Variants in PHACTR2 observed in about 807,000 individuals in gnomAD.
PHACTR2 encodes the protein phosphatase and actin regulator 2, also known as chromosome 6 open reading frame 56.
PHACTR2 carries 30 observed loss-of-function variants against 76.0 expected under a neutral mutation model. The observed-to-expected ratio is 0.39, with a 90% CI of 0.30 to 0.54. PHACTR2 has a LOEUF of 0.54. PHACTR2 is among the 20% of genes least tolerant of loss of function. The pLI, the probability that PHACTR2 is intolerant of heterozygous loss-of-function variation, is 0.61. For missense variants in PHACTR2, 696 were observed against 781.1 expected (o/e 0.89, Z 1.30); for synonymous variants, 292 against 292.5 (o/e 1.00, Z 0.02).
chr6:143,699,997 C>T (rs557812599), intron 1 of PHACTR2, among the ~76,000 whole-genome samples: 21 of 152,046 alleles, frequency 1.4e-4, no homozygotes, highest in Non-Finnish European at 2.2e-4. Context: ...GGAGATTGTC[C>T]GGGATACTAC....
At position 143,610,799 on chromosome 6, in the gene PHACTR2, T is replaced by G. The variant is rs2128437612; in HGVS notation, c.13+2477T>G. Among the ~76,000 whole-genome samples, 1 of 152,354 alleles carries G rather than the reference T, an allele frequency of 6.6e-6. No individual in the cohort carries two copies. The highest frequency in any genetic ancestry group is 1.9e-4 in the East Asian group (1 of 5,190). On this transcript the variant is annotated intron_variant, in intron 1 of 11. Transcript: ENST00000305766. The surrounding 1 kb of genome is among the most constrained non-coding windows in gnomAD (Gnocchi z 4.9). ...TCCCTTCCCCATAATTGCTGGCTTC[T>G]GTATTCCTTTAAAAGCTTTTCCTGG...
intron 1 of PHACTR2, among the ~76,000 whole-genome samples, chr6:143,563,399 C>A (rs1484751694): frequency 6.6e-6 from 1 of 151,454 alleles, no homozygotes; most frequent in African/African-American, 2.4e-5. Flanking sequence ...CGCATCTCTA[C>A]GAAAAATTAA....
At chr6:143,615,571 A>G (rs1387115523) in intron 1 of PHACTR2, among the ~76,000 whole-genome samples, 6 of 152,190 alleles carry the variant, frequency 3.9e-5, no homozygotes, top group Non-Finnish European at 7.3e-5. Context: ...GACAATTTAT[A>G]AAATAGAATG....
chr6:143,608,422 A>G lies in PHACTR2; in HGVS notation c.13+100A>G. On this transcript the variant is annotated intron_variant, in intron 1 of 11. Coordinates refer to the PHACTR2 transcript ENST00000305766. This position sits in a 1 kb window ranked among gnomAD's most constrained non-coding sequence, Gnocchi z 4.6. ...TGCCTATTTGTTGCTCTCGTTTTGC[A>G]CTTAAATGTTCAAGACTGAGACGCG... 8.1e-7 allele frequency: 1 copy of G among 1,227,716 alleles called. No individual in the cohort carries two copies. The highest frequency in any genetic ancestry group is 1.2e-6 in the Non-Finnish European group (1 of 837,030). The allele number at this position is 1,227,716 out of a possible 1,614,324, so 76.1% of individuals were successfully genotyped here.
At chr6:143,628,287 A>G (rs1431285991) in intron 1 of PHACTR2, among the ~76,000 whole-genome samples, 1 of 152,184 alleles carries the variant, frequency 6.6e-6, no homozygotes, top group Non-Finnish European at 1.5e-5. Flanking sequence ...TTAGTTTCCT[A>G]TTGTTGCTGT....
chr6:143,642,486 G>T (rs1776583857), intron 1 of PHACTR2, among the ~76,000 whole-genome samples: 1 of 152,206 alleles, frequency 6.6e-6, no homozygotes. Flanking sequence ...GTTTGGGCAT[G>T]GCTTGTTTGA....
intron 1 of PHACTR2, among the ~76,000 whole-genome samples, chr6:143,576,648 G>T (rs1225067681): frequency 6.6e-6 from 1 of 152,122 alleles, no homozygotes; most frequent in African/African-American, 2.4e-5. Flanking sequence ...AGGCAGAGGT[G>T]GGTGGATCAC....
chr6:143,790,801 G>A (rs932204651), intron 11 of PHACTR2, among the ~76,000 whole-genome samples: 3 of 151,770 alleles, frequency 2.0e-5, no homozygotes, highest in Non-Finnish European at 4.4e-5. Context: ...AGCCTCCCGA[G>A]TGGCTGGGAC....
chr6:143,573,845 C>T (rs1282340690), intron 1 of PHACTR2, among the ~76,000 whole-genome samples: 1 of 152,168 alleles, frequency 6.6e-6, no homozygotes, highest in African/African-American at 2.4e-5. Context: ...CCACTAGGCC[C>T]AGAACTGGGT....
chr6:143,628,948 T>G (rs796774617), intron 1 of PHACTR2, among the ~76,000 whole-genome samples: 4 of 50,628 alleles, frequency 7.9e-5, no homozygotes, highest in South Asian at 4.7e-4. Context: ...TATATATATA[T>G]ATATATATAT....
At chr6:143,563,946 T>A (rs1178588196) in intron 1 of PHACTR2, among the ~76,000 whole-genome samples, 1 of 151,630 alleles carries the variant, frequency 6.6e-6, no homozygotes, top group Non-Finnish European at 1.5e-5. Flanking sequence ...CGAGGCTGCA[T>A]TGAGCTGAGA....
rs1217540232 is a variant in PHACTR2, at chr6:143,733,510, T to C, written c.215-15475T>C. 6.6e-6 allele frequency among the ~76,000 whole-genome samples: 1 copy of C among 152,174 alleles called. No homozygotes were observed. Among genetic ancestry groups the C allele is most frequent in the Admixed American group, 6.5e-5 (1 of 15,284 alleles). ...TGAATCTTTTCGATTTGGAAAGTGC[T>C]GGATTTGGGGTGAGGGGTAGGGAAT... On this transcript the variant is annotated intron_variant, in intron 2 of 12. Transcript: ENST00000440869. This position sits in a 1 kb window ranked among gnomAD's most constrained non-coding sequence, Gnocchi z 4.0.
Position 143,678,652 on chromosome 6 carries a change from A to G in PHACTR2, c.46+443A>G, listed in dbSNP as rs1777313744. Among the ~76,000 whole-genome samples the G allele has an allele frequency of 6.6e-6, 1 of 152,230 alleles. No homozygotes were observed. Among genetic ancestry groups the G allele is most frequent in the Admixed American group, 6.5e-5 (1 of 15,286 alleles). On this transcript the variant is annotated intron_variant, in intron 1 of 12. Coordinates refer to ENST00000440869, the MANE Select transcript of PHACTR2 (RefSeq NM_001100164.2). The surrounding 1 kb of genome is among the most constrained non-coding windows in gnomAD (Gnocchi z 6.2). ...TGATTTATGGTTTGTTATTCGGAGT[A>G]GAAGCGCTGATCGCCTTATCCTGGC...
rs939670214 is a variant in PHACTR2, at chr6:143,830,717, G to A, written c.*7028G>A. 1 of 152,132 alleles carries A rather than the reference G, an allele frequency of 6.6e-6. No individual in the cohort carries two copies. The highest frequency in any genetic ancestry group is 1.5e-5 in the Non-Finnish European group (1 of 68,016). 9.4% of individuals were successfully genotyped at this position (152,132 alleles called of 1,614,324 possible). A position where few individuals can be genotyped will look rare whatever the true frequency, so the allele number is the denominator to read the frequency against. On this transcript the variant is annotated 3_prime_UTR_variant, in exon 13 of 13. Transcript: ENST00000440869. ...GTATAATATTAGAGGATACTTTGCT[G>A]TGCACAATTCCAAGTGCCTTAGAAC...
rs1779542976 is a variant in PHACTR2, at chr6:143,765,607, G to A, written c.1041G>A (p.Leu347=). Residue 347 remains leucine, a synonymous_variant, in exon 6 of 13, where the codon CTG becomes CTA. Transcript: ENST00000440869. This position sits in a 1 kb window ranked among gnomAD's most constrained non-coding sequence, Gnocchi z 4.1. ...CTGTGGCTCCAGCACCTTCTCCTCT[G>A]GCCCCCCCTCTCCCTCTTGAGGATC... ...PPPVAPAPSP[L]APPLPLEDQC... 6.2e-7 allele frequency: 1 copy of A among 1,613,982 alleles called. No individual in the cohort carries two copies. The highest frequency in any genetic ancestry group is 2.2e-5 in the East Asian group (1 of 44,860).
chr6:143,678,247 G>T lies in PHACTR2; in HGVS notation c.46+38G>T. 1 of 1,432,662 alleles carries T rather than the reference G, an allele frequency of 7.0e-7. No homozygotes were observed. The highest frequency in any genetic ancestry group is 9.1e-7 in the Non-Finnish European group (1 of 1,097,436). 88.7% of individuals were successfully genotyped at this position (1,432,662 alleles called of 1,614,324 possible). ...CGCACGCGATGCGCTCCCGCCGCGC[G>T]GGCGCAGGGCTGGCGGCGGGGCCCC... On this transcript the variant is annotated intron_variant, in intron 1 of 12. Transcript: ENST00000440869. The surrounding 1 kb of genome is among the most constrained non-coding windows in gnomAD (Gnocchi z 6.2).
intron 1 of PHACTR2, among the ~76,000 whole-genome samples, chr6:143,682,369 C>G (rs1018866159): frequency 6.6e-6 from 1 of 152,172 alleles, no homozygotes; most frequent in Admixed American, 6.5e-5. Flanking sequence ...TGGTGCCCAC[C>G]ACCATGCCCA....
intron 9 of PHACTR2, among the ~76,000 whole-genome samples, chr6:143,778,634 T>G (rs890866423): frequency 2.0e-5 from 3 of 152,184 alleles, no homozygotes; most frequent in African/African-American, 7.2e-5. Context: ...AGCATCTCAT[T>G]TTGACACAAA....
intron 1 of PHACTR2, among the ~76,000 whole-genome samples, chr6:143,560,363 T>C (rs940680214): frequency 6.6e-6 from 1 of 152,226 alleles, no homozygotes; most frequent in Non-Finnish European, 1.5e-5. Flanking sequence ...TTTGATTCTG[T>C]ATCTTTAAAT....
Sources: gnomAD v4.1 joint callset for allele counts (sites outside exome capture counted in the v4.1 genomes callset) on GRCh38, gnomAD v4.1.1 for gene constraint, Gnocchi (gnomAD v3.1) non-coding constraint, MANE v1.5 for transcripts, NCBI Gene and HGNC (gene_info 2026-07-23, HGNC 2026-07-21) for gene names.